The following RALGPS1 variants were observed in gnomAD, a reference collection of about 807,000 sequenced individuals.
The protein encoded by RALGPS1 is Ral GEF with PH domain and SH3 binding motif 1.
A neutral mutation model predicts 78.8 loss-of-function variants in RALGPS1; 19 were observed. The observed-to-expected ratio is 0.24, with a 90% CI of 0.17 to 0.35. RALGPS1 has a LOEUF of 0.35. RALGPS1 is among the 10% of genes least tolerant of loss of function. RALGPS1 has a pLI of 1.00. For synonymous variants in RALGPS1, 228 were observed against 256.3 expected, an observed-to-expected ratio of 0.89 and a Z score of 1.06; for missense variants, 454 against 688.3, an observed-to-expected ratio of 0.66 and a Z score of 3.81.
chr9:127,057,667 A>T (rs1038604360), intron 7 of RALGPS1, among the ~76,000 whole-genome samples: 1 of 152,206 alleles, frequency 6.6e-6, no homozygotes, highest in African/African-American at 2.4e-5. Context: ...AAGCCATGAA[A>T]CCTAAGCAAG....
intron 4 of RALGPS1, among the ~76,000 whole-genome samples, chr9:126,997,924 A>G (rs1250997436): frequency 6.6e-6 from 1 of 152,238 alleles, no homozygotes; most frequent in Non-Finnish European, 1.5e-5. Flanking sequence ...TGGGGAAAGG[A>G]TTCCCTATTT....
chr9:127,204,407 A>G (rs998880650), intron 14 of RALGPS1, among the ~76,000 whole-genome samples: 3 of 152,154 alleles, frequency 2.0e-5, no homozygotes, highest in Non-Finnish European at 4.4e-5. Flanking sequence ...GGCAGGAGCC[A>G]CTATGTCCAG....
chr9:126,923,144 G>T (rs368996889), intron 1 of RALGPS1, among the ~76,000 whole-genome samples: 1 of 152,188 alleles, frequency 6.6e-6, no homozygotes. Flanking sequence ...AAATGAGAAG[G>T]TTGTTAGATC....
At chr9:126,938,477 G>C (rs1458710244) in intron 1 of RALGPS1, among the ~76,000 whole-genome samples, 2 of 152,078 alleles carry the variant, frequency 1.3e-5, no homozygotes, top group African/African-American at 4.8e-5. Flanking sequence ...CCATGACCCT[G>C]GTCTCTGGCA....
At chr9:127,017,574 A>T (rs964922978) in intron 4 of RALGPS1, among the ~76,000 whole-genome samples, 1 of 152,086 alleles carries the variant, frequency 6.6e-6, no homozygotes, top group African/African-American at 2.4e-5. Context: ...TCTATAAAAA[A>T]TTTTCTTCAA....
chr9:126,962,488 C>G, intron 2 of RALGPS1, 142 bp downstream of exon 2: 2 of 826,906 alleles, frequency 2.4e-6, no homozygotes. Context: ...CCTGGCCATG[C>G]CAGGCGTGAG....
chr9:127,082,828 T>C (rs1236844499), intron 8 of RALGPS1, among the ~76,000 whole-genome samples: 1 of 152,136 alleles, frequency 6.6e-6, no homozygotes, highest in African/African-American at 2.4e-5. Context: ...CTAGTATTAG[T>C]GCTATCCACA....
intron 8 of RALGPS1, chr9:127,087,902 A>C (rs1589393910): frequency 6.5e-6 from 1 of 152,742 alleles, no homozygotes; most frequent in East Asian, 1.9e-4. Flanking sequence ...TGAAGACTCA[A>C]ATGACCTGTA....
At chr9:126,926,094 A>G (rs1302514980) in intron 1 of RALGPS1, among the ~76,000 whole-genome samples, 5 of 152,250 alleles carry the variant, frequency 3.3e-5, no homozygotes, top group African/African-American at 1.2e-4. Context: ...AGCATCTATT[A>G]CTGAAACATT....
intron 4 of RALGPS1, among the ~76,000 whole-genome samples, chr9:126,987,780 T>C (rs1196657355): frequency 2.0e-5 from 3 of 152,190 alleles, no homozygotes; most frequent in Admixed American, 1.3e-4. Flanking sequence ...ATCAGTCTAC[T>C]GTGCTAAATG....
At chr9:127,010,955 C>T (rs915277501) in intron 4 of RALGPS1, among the ~76,000 whole-genome samples, 2 of 152,070 alleles carry the variant, frequency 1.3e-5, no homozygotes, top group Non-Finnish European at 2.9e-5. Context: ...CTGGAGAGTC[C>T]CATATATCAG....
At chr9:127,054,092 A>G (rs1287865980) in intron 7 of RALGPS1, among the ~76,000 whole-genome samples, 3 of 152,214 alleles carry the variant, frequency 2.0e-5, no homozygotes, top group African/African-American at 7.2e-5. Context: ...TATTTCCACC[A>G]GAGCAGCTCT....
chr9:127,076,255 G>T (rs545176544), intron 8 of RALGPS1, among the ~76,000 whole-genome samples: 1 of 152,044 alleles, frequency 6.6e-6, no homozygotes, highest in Non-Finnish European at 1.5e-5. Context: ...TGATTTAGGG[G>T]GTGTTTTGTT....
chr9:127,113,123 C>T (rs2055017840), intron 8 of RALGPS1, among the ~76,000 whole-genome samples: 1 of 152,188 alleles, frequency 6.6e-6, no homozygotes, highest in East Asian at 1.9e-4. Context: ...AGGGAAGGAA[C>T]AGGGCACTGT....
intron 7 of RALGPS1, among the ~76,000 whole-genome samples, chr9:127,060,384 C>T (rs1390330503): frequency 6.6e-6 from 1 of 152,148 alleles, no homozygotes; most frequent in East Asian, 1.9e-4. Flanking sequence ...AGAGCATAGC[C>T]TCTTAAATCA....
intron 4 of RALGPS1, among the ~76,000 whole-genome samples, chr9:127,023,100 C>CCAT (rs567646499): frequency 1.8e-4 from 27 of 151,890 alleles, no homozygotes; most frequent in Admixed American, 3.3e-4. Flanking sequence ...TCTTCAAACA[C>CCAT]CATCATCATC....
At chr9:127,154,761 G>A (rs1017326980) in intron 8 of RALGPS1, among the ~76,000 whole-genome samples, 7 of 152,156 alleles carry the variant, frequency 4.6e-5, no homozygotes, top group East Asian at 1.9e-4. Flanking sequence ...TCACAGATAC[G>A]CGAGTGCATT....
At chr9:127,134,197 C>A (rs1431735292) in intron 8 of RALGPS1, among the ~76,000 whole-genome samples, 2 of 152,120 alleles carry the variant, frequency 1.3e-5, no homozygotes, top group Non-Finnish European at 2.9e-5. Flanking sequence ...TTTTTAAAGA[C>A]CCACAGTCTC....
chr9:126,949,543 T>G, intron 1 of RALGPS1, among the ~76,000 whole-genome samples: 1 of 152,234 alleles, frequency 6.6e-6, no homozygotes, highest in Non-Finnish European at 1.5e-5. Context: ...TGGTTTTGAT[T>G]TGCATTTCTC....
Sources: allele counts gnomAD v4.1 joint callset (sites outside exome capture counted in the v4.1 genomes callset), GRCh38; gene constraint gnomAD v4.1.1; transcripts MANE v1.5; gene names NCBI Gene and HGNC (gene_info 2026-07-23, HGNC 2026-07-21).